The following SLC25A6 variants were observed in gnomAD, a reference collection of about 807,000 sequenced individuals.
SLC25A6 encodes solute carrier family 25 member 6, also known as ADP/ATP translocase 3.
In SLC25A6, 9 loss-of-function variants were observed where a neutral mutation model predicts 25.7. That is an observed-to-expected ratio of 0.35 (90% confidence interval 0.21 to 0.61). The LOEUF (loss-of-function observed/expected upper bound fraction) is 0.61. SLC25A6 is among the 20% of genes least tolerant of loss of function. The pLI is 0.76. For missense variants in SLC25A6, 404 were observed against 440.5 expected (o/e 0.92, Z 0.74); for synonymous variants, 223 against 197.0 (o/e 1.13, Z -1.11).
chrX:1,389,347 G>C lies in SLC25A6; in HGVS notation c.492C>G (p.Ile164Met), dbSNP rs1297331676. 1.2e-6 allele frequency: 2 copies of C among 1,613,820 alleles called. No individual in the cohort carries two copies. The highest frequency in any genetic ancestry group is 1.7e-6 in the Non-Finnish European group (2 of 1,179,868). ...FRGLGDCLVK[I>M]TKSDGIRGLY... ...GGCCCCGGATGCCGTCGGACTTGGT[G>C]ATCTTCACCAGGCAGTCTCCCAGGC... Residue 164 changes from isoleucine to methionine, a missense_variant, in exon 2 of 4, where the codon ATC (isoleucine) becomes ATG (methionine). Coordinates refer to ENST00000381401, the MANE Select transcript of SLC25A6 (RefSeq NM_001636.4).
At chrX:1,389,054 G>C (rs1442555505) in intron 2 of SLC25A6, among the ~76,000 whole-genome samples, 187 bp downstream of exon 2, 1 of 151,564 alleles carries the variant, frequency 6.6e-6, no homozygotes, top group African/African-American at 2.4e-5. Context: ...TGAGGACACA[G>C]ACACACACAG....
chrX:1,386,328 T>C lies in SLC25A6; in HGVS notation c.*274A>G. 1 of 401,902 alleles carries C rather than the reference T, an allele frequency of 2.5e-6. No homozygotes were observed. 24.9% of individuals were successfully genotyped at this position (401,902 alleles called of 1,614,324 possible). On this transcript the variant is annotated 3_prime_UTR_variant, in exon 4 of 4. Coordinates refer to ENST00000381401, the MANE Select transcript of SLC25A6 (RefSeq NM_001636.4). ...TTGGCTCCTACAAGCATCTGGACTC[T>C]AGGTCTCAGTACTGGAGTGTCTCAC... is the stretch of plus-strand genomic sequence containing the variant.
chrX:1,390,956 C>T (rs148549389), intron 1 of SLC25A6, among the ~76,000 whole-genome samples: 1 of 151,188 alleles, frequency 6.6e-6, no homozygotes, highest in African/African-American at 2.4e-5. Context: ...GAGATGGGGT[C>T]TTGCTATGTT....
rs751025897 is a variant in SLC25A6, at chrX:1,386,403, A to T, written c.*199T>A. The stretch of plus-strand genomic sequence containing the variant: ...ACGGTTCCCTCCCACCCCGTGATCA[A>T]GACACGGAATCGGCTGCCGATGGTT... On this transcript the variant is annotated 3_prime_UTR_variant, in exon 4 of 4. Transcript: ENST00000381401. 1.6e-6 allele frequency: 1 copy of T among 640,600 alleles called. No individual in the cohort carries two copies. The highest frequency in any genetic ancestry group is 3.4e-5 in the South Asian group (1 of 29,768). 39.7% of individuals were successfully genotyped at this position (640,600 alleles called of 1,614,324 possible). A position where few individuals can be genotyped will look rare whatever the true frequency, so the allele number is the denominator to read the frequency against.
At position 1,392,040 on chromosome X, in the gene SLC25A6, C is replaced by T. The variant is rs772114189; in HGVS notation, c.-31G>A. 2 of 1,543,164 alleles carry T rather than the reference C, an allele frequency of 1.3e-6. No individual in the cohort carries two copies. Among genetic ancestry groups the T allele is most frequent in the South Asian group, 2.3e-5 (2 of 86,366 alleles). ...CAGGGCGGGCAGCGGAACGGGAGGACAGCCGGAGAACGGGCGCGGAGAGTG... is the reference window on the plus strand; with the variant it reads ...CAGGGCGGGCAGCGGAACGGGAGGATAGCCGGAGAACGGGCGCGGAGAGTG... On this transcript the variant is annotated 5_prime_UTR_variant, in exon 1 of 4. Transcript: ENST00000381401.
rs1164826526 is a variant in SLC25A6, at chrX:1,386,241, G to C, written c.*361C>G. On this transcript the variant is annotated 3_prime_UTR_variant, in exon 4 of 4. Coordinates refer to ENST00000381401, the MANE Select transcript of SLC25A6 (RefSeq NM_001636.4). ...ACTCGGCTGTGCAAAACAGGGGCTA[G>C]CGCTGAAGTACAAATGGGAAAACGT... The C allele has an allele frequency of 1.2e-4, 28 of 225,782 alleles. No individual in the cohort carries two copies. Among genetic ancestry groups the C allele is most frequent in the Non-Finnish European group, 1.7e-4 (20 of 116,444 alleles). The allele number at this position is 225,782 out of a possible 1,614,324, so 14.0% of individuals were successfully genotyped here.
At chrX:1,390,913 C>G (rs1173828953) in intron 1 of SLC25A6, among the ~76,000 whole-genome samples, 1 of 151,726 alleles carries the variant, frequency 6.6e-6, no homozygotes, top group South Asian at 2.1e-4. Flanking sequence ...AGTGCGGGGA[C>G]ACCCCGCCTG....
At chrX:1,388,527 C>G (rs1282575261) in intron 2 of SLC25A6, among the ~76,000 whole-genome samples, 3 of 151,072 alleles carry the variant, frequency 2.0e-5, no homozygotes, top group Non-Finnish European at 4.4e-5. Flanking sequence ...TCTAAGTCAC[C>G]CAGTCTATGG....
chrX:1,391,872 C>A, intron 1 of SLC25A6, 27 bp downstream of exon 1: 2 of 1,551,780 alleles, frequency 1.3e-6, no homozygotes, highest in Non-Finnish European at 8.7e-7. Context: ...CCCCTAGTCC[C>A]CGGAGCGGCC....
At chrX:1,389,914 C>T (rs1240985979) in intron 1 of SLC25A6, among the ~76,000 whole-genome samples, 187 bp from the exon 2 acceptor site, 1 of 152,060 alleles carries the variant, frequency 6.6e-6, no homozygotes, top group Non-Finnish European at 1.5e-5. Context: ...CCCACCACCA[C>T]GCCCGGCTAA....
chrX:1,386,734 G>T lies in SLC25A6; in HGVS notation c.765C>A (p.Val255=). The change falls in exon 4 of 4, where the codon GTC becomes GTA. Residue 255 remains valine (V), a synonymous_variant. Transcript: ENST00000381401. ...KGADIMYTGT[V]DCWRKIFRDE... ...CTCTGAAGATCTTCCTCCAACAGTCGACGGTGCCCGTGTACATGATGTCAG... is the reference window on the plus strand; with the variant it reads ...CTCTGAAGATCTTCCTCCAACAGTCTACGGTGCCCGTGTACATGATGTCAG... The T allele has an allele frequency of 6.2e-7, 1 of 1,611,352 alleles. No homozygotes were observed. Among genetic ancestry groups the T allele is most frequent in the Non-Finnish European group, 8.5e-7 (1 of 1,178,492 alleles).
rs750079707 is a variant in SLC25A6, at chrX:1,387,424, G to A, written c.599-5C>T. 1.3e-5 allele frequency: 21 copies of A among 1,611,962 alleles called. No homozygotes were observed. The highest frequency in any genetic ancestry group is 6.7e-5 in the East Asian group (3 of 44,884). ...TCTTGGGGTCGGGGAGCATGCCTGC[G>A]CGGGAACGGCACGTCACCGTCTCCA... On this transcript the variant is annotated splice_polypyrimidine_tract_variant and splice_region_variant and intron_variant, in intron 2 of 3. Transcript: ENST00000381401.
intron 1 of SLC25A6, chrX:1,390,051 AC>A: frequency 2.4e-6 from 1 of 424,458 alleles, no homozygotes; most frequent in Admixed American, 3.9e-5. Flanking sequence ...TCATGCTGTT[AC>A]CCGGGTTTGA....
intron 2 of SLC25A6, among the ~76,000 whole-genome samples, chrX:1,387,685 G>A (rs58680380): frequency 0.047 from 7,203 of 152,258 alleles, 342 homozygotes; most frequent in African/African-American, 0.12. Flanking sequence ...TTTGGGGAAG[G>A]GAATAGGGCC....
chrX:1,389,074 G>C (rs1162186165), intron 2 of SLC25A6, among the ~76,000 whole-genome samples, 167 bp downstream of exon 2: 71 of 143,946 alleles, frequency 4.9e-4, no homozygotes, highest in East Asian at 8.4e-4. Flanking sequence ...GAGGGATGAT[G>C]CTGTGAGGGC....
In SLC25A6 at chrX:1,386,341, T is replaced by C. The variant is rs1315007163; in HGVS notation, c.*261A>G. On this transcript the variant is annotated 3_prime_UTR_variant, in exon 4 of 4. Coordinates refer to ENST00000381401, the MANE Select transcript of SLC25A6 (RefSeq NM_001636.4). ...GCATCTGGACTCTAGGTCTCAGTAC[T>C]GGAGTGTCTCACCCATGGGCCCCAC... 6.7e-6 allele frequency: 3 copies of C among 445,744 alleles called. No individual in the cohort carries two copies. The highest frequency in any genetic ancestry group is 7.3e-5 in the East Asian group (2 of 27,546). The allele number at this position is 445,744 out of a possible 1,614,324, so 27.6% of individuals were successfully genotyped here.
Position 1,389,274 on chromosome X carries a change from C to T in SLC25A6, c.565G>A (p.Ala189Thr). The T allele has an allele frequency of 6.2e-7, 1 of 1,613,792 alleles. No individual in the cohort carries two copies. The highest frequency in any genetic ancestry group is 8.5e-7 in the Non-Finnish European group (1 of 1,179,804). Residue 189 changes from alanine (A) to threonine (T), a missense_variant, in exon 2 of 4, where the codon GCG becomes ACG. Transcript: ENST00000381401. Reference protein sequence around the residue: ...VSVQGIIIYRAAYFGVYDTAK... With the variant: ...VSVQGIIIYRTAYFGVYDTAK... The stretch of plus-strand genomic sequence containing the variant: ...GTATCGTACACGCCGAAGTAGGCCG[C>T]CCGGTAGATGATGATGCCCTGCACG...
At chrX:1,391,350 A>G (rs2089407715) in intron 1 of SLC25A6, among the ~76,000 whole-genome samples, 1 of 152,206 alleles carries the variant, frequency 6.6e-6, no homozygotes, top group East Asian at 1.9e-4. Context: ...GCATCATGCT[A>G]CTTTCTATAA....
chrX:1,386,909 A>G, intron 3 of SLC25A6, 150 bp from the exon 4 acceptor site: 1 of 1,002,970 alleles, frequency 1.0e-6, no homozygotes, highest in Non-Finnish European at 1.5e-6. Flanking sequence ...AGGCTCCCCC[A>G]GCTCAAGCCC....
Sources: gnomAD v4.1 joint callset for allele counts (sites outside exome capture counted in the v4.1 genomes callset) on GRCh38, gnomAD v4.1.1 for gene constraint, MANE v1.5 for transcripts, NCBI Gene and HGNC (gene_info 2026-07-23, HGNC 2026-07-21) for gene names.